Variants in COL5A1 observed in about 807,000 individuals in gnomAD.
COL5A1 encodes the protein collagen type V alpha 1 chain, also known as collagen alpha-1(V) chain.
COL5A1 carries 16 observed loss-of-function variants against 263.7 expected under a neutral mutation model. The observed-to-expected ratio is 0.06, with a 90% CI of 0.04 to 0.09. The LOEUF (loss-of-function observed/expected upper bound fraction) is 0.09. Among genes scored for constraint, COL5A1 ranks in the 10% least tolerant of loss-of-function variants. The pLI is 1.00. For missense variants in COL5A1, 2,036 were observed against 2,540.5 expected, an observed-to-expected ratio of 0.80 and a Z score of 4.27; for synonymous variants, 1,012 against 1,004.5, an observed-to-expected ratio of 1.01 and a Z score of -0.14.
intron 27 of COL5A1, among the ~76,000 whole-genome samples, chr9:134,778,156 C>T (rs4563961): frequency 0.66 from 100,466 of 152,114 alleles, 33,617 homozygotes; most frequent in Admixed American, 0.76. Context: ...TGTCAGCCAG[C>T]GTGGCCCTAC....
At chr9:134,692,110 C>T (rs947665199) in intron 2 of COL5A1, among the ~76,000 whole-genome samples, 9 of 152,232 alleles carry the variant, frequency 5.9e-5, no homozygotes, top group Non-Finnish European at 1.0e-4. Context: ...CTGAGAGAAT[C>T]TGGGCAGTTC....
chr9:134,823,746 G>A (rs528308306), intron 61 of COL5A1, among the ~76,000 whole-genome samples: 6 of 152,318 alleles, frequency 3.9e-5, no homozygotes, highest in African/African-American at 9.6e-5. Flanking sequence ...ATGTGTGAAC[G>A]TGTAGTATAT....
At chr9:134,654,340 TG>T (rs1163772512) in intron 1 of COL5A1, among the ~76,000 whole-genome samples, 4 of 96,934 alleles carry the variant, frequency 4.1e-5, no homozygotes, top group African/African-American at 4.2e-5. Flanking sequence ...TGTGTAGGGC[TG>T]GGGGTGTGTA....
At chr9:134,790,633 T>C (rs1264640896) in intron 32 of COL5A1, among the ~76,000 whole-genome samples, 1 of 132,678 alleles carries the variant, frequency 7.5e-6, no homozygotes, top group African/African-American at 2.8e-5. Flanking sequence ...CATCCATCCA[T>C]CCATCCATCC....
chr9:134,803,234 A>G (rs1315544903), intron 39 of COL5A1, among the ~76,000 whole-genome samples: 2 of 152,020 alleles, frequency 1.3e-5, no homozygotes, highest in African/African-American at 2.4e-5. Context: ...ACCATCCTCC[A>G]CCCTCTGCTC....
At chr9:134,658,452 C>T (rs971528177) in intron 1 of COL5A1, among the ~76,000 whole-genome samples, 7 of 152,156 alleles carry the variant, frequency 4.6e-5, no homozygotes, top group African/African-American at 7.2e-5. Flanking sequence ...CATGTGCCCC[C>T]GCCCCTGCAC....
intron 32 of COL5A1, among the ~76,000 whole-genome samples, chr9:134,790,605 C>CCCACCCATCCATCCATCCAT (rs775802212): frequency 3.3e-4 from 28 of 84,546 alleles, no homozygotes; most frequent in African/African-American, 1.5e-3. Flanking sequence ...CATCCACCCA[C>CCCACCCATCCATCCATCCAT]CCATCCATCC....
At chr9:134,697,511 G>T (rs778846410) in intron 2 of COL5A1, among the ~76,000 whole-genome samples, 4 of 152,158 alleles carry the variant, frequency 2.6e-5, no homozygotes, top group Non-Finnish European at 2.9e-5. Context: ...TGGCGGTGGG[G>T]TGGGGACGGG....
At chr9:134,787,414 A>G (rs1837502680) in intron 31 of COL5A1, among the ~76,000 whole-genome samples, 1 of 152,210 alleles carries the variant, frequency 6.6e-6, no homozygotes, top group Non-Finnish European at 1.5e-5. Flanking sequence ...TGTGAGAAAT[A>G]CAAGGTTTGG....
At chr9:134,725,295 AGTGG>A (rs1834607925) in intron 4 of COL5A1, among the ~76,000 whole-genome samples, 1 of 152,156 alleles carries the variant, frequency 6.6e-6, no homozygotes, top group South Asian at 2.1e-4. Flanking sequence ...TCTGTTGTAG[AGTGG>A]GGATTAGTCG....
At chr9:134,731,361 G>A (rs749816293) in intron 7 of COL5A1, 135 bp from the exon 8 acceptor site, 12 of 902,136 alleles carry the variant, frequency 1.3e-5, no homozygotes, top group Non-Finnish European at 2.1e-5. Context: ...TAGCCATGGT[G>A]CCAGCACAGG....
chr9:134,682,854 T>C lies in COL5A1; in HGVS notation c.110-8058T>C, dbSNP rs1832902334. 6.6e-6 allele frequency among the ~76,000 whole-genome samples: 1 copy of C among 152,064 alleles called. No homozygotes were observed. Among genetic ancestry groups the C allele is most frequent in the Non-Finnish European group, 1.5e-5 (1 of 67,998 alleles). On this transcript the variant is annotated intron_variant, in intron 1 of 65. Transcript: ENST00000371817. The surrounding 1 kb of genome is among the most constrained non-coding windows in gnomAD (Gnocchi z 5.1). Reference sequence around the variant, plus strand: ...ATGCCCAGCCTTTGGGAGCGGGGACTGCGGCCAGCACATCATCCGGTGGGG... The same window carrying C: ...ATGCCCAGCCTTTGGGAGCGGGGACCGCGGCCAGCACATCATCCGGTGGGG...
At position 134,730,077 on chromosome 9, in the gene COL5A1, G is replaced by T. The variant is rs530897447; in HGVS notation, c.925-159G>T. Among the ~76,000 whole-genome samples, 4 of 152,262 alleles carry T rather than the reference G, an allele frequency of 2.6e-5. No homozygotes were observed. In the South Asian group the frequency reaches 8.3e-4, roughly 32 times the overall value. ...TCTGCCCCCAAGCCCCATGGATGGGGGCGGCCCCTGCACCCAAGAGGTCTC... is the reference window on the plus strand; with the variant it reads ...TCTGCCCCCAAGCCCCATGGATGGGTGCGGCCCCTGCACCCAAGAGGTCTC... On this transcript the variant is annotated intron_variant, in intron 6 of 65. Coordinates refer to ENST00000371817, the MANE Select transcript of COL5A1 (RefSeq NM_000093.5).
At chr9:134,782,823 T>G in intron 29 of COL5A1, 103 bp downstream of exon 29, 1 of 1,160,514 alleles carries the variant, frequency 8.6e-7, no homozygotes, top group South Asian at 1.2e-5. Context: ...CTTCTCAGAA[T>G]GGAGGTAAAC....
chr9:134,654,961 G>C (rs1482681597), intron 1 of COL5A1, among the ~76,000 whole-genome samples: 6 of 79,540 alleles, frequency 7.5e-5, no homozygotes, highest in Non-Finnish European at 1.2e-4. Context: ...AGCTGGGGGA[G>C]GGTAGGGCTG....
intron 28 of COL5A1, 28 bp downstream of exon 28, chr9:134,780,174 C>T (rs1295183882): frequency 1.2e-6 from 2 of 1,612,130 alleles, no homozygotes; most frequent in Non-Finnish European, 1.7e-6. Context: ...GCCACGGGGC[C>T]CCCTGCTTAG....
chr9:134,822,802 G>A (rs778201497), intron 59 of COL5A1, 196 bp from the exon 60 acceptor site: 72 of 686,658 alleles, frequency 1.0e-4, no homozygotes, highest in Non-Finnish European at 1.7e-4. Flanking sequence ...ACCACCCTGT[G>A]TCTCCACGAG....
chr9:134,782,934 G>A (rs1397910643), intron 29 of COL5A1, among the ~76,000 whole-genome samples: 1 of 152,328 alleles, frequency 6.6e-6, no homozygotes, highest in African/African-American at 2.4e-5. Flanking sequence ...TTTGCCCCTT[G>A]GGGACTGGGA....
intron 4 of COL5A1, among the ~76,000 whole-genome samples, chr9:134,724,045 C>A (rs913931900): frequency 6.6e-6 from 1 of 152,092 alleles, no homozygotes; most frequent in African/African-American, 2.4e-5. Context: ...TCGCACCACT[C>A]CCTCCCCTCT....
Sources: gnomAD v4.1 joint callset for allele counts (sites outside exome capture counted in the v4.1 genomes callset) on GRCh38, gnomAD v4.1.1 for gene constraint, Gnocchi (gnomAD v3.1) non-coding constraint, MANE v1.5 for transcripts, NCBI Gene and HGNC (gene_info 2026-07-23, HGNC 2026-07-21) for gene names.